Variants in C7orf78 observed in about 807,000 individuals in gnomAD.
The protein encoded by C7orf78 is chromosome 7 open reading frame 78.
the C7orf78 span, among the ~76,000 whole-genome samples, chr7:12,486,126 T>G: frequency 6.6e-6 from 1 of 152,116 alleles, no homozygotes; most frequent in Non-Finnish European, 1.5e-5. Flanking sequence ...AAAATTAAAG[T>G]GGCCTATACA....
the C7orf78 span, among the ~76,000 whole-genome samples, chr7:12,521,824 A>G: frequency 6.6e-6 from 1 of 151,864 alleles, no homozygotes; most frequent in Non-Finnish European, 1.5e-5. Flanking sequence ...GGCATAAAAG[A>G]CTTTTAATAC....
chr7:12,514,125 T>C, the C7orf78 span, among the ~76,000 whole-genome samples: 1 of 152,316 alleles, frequency 6.6e-6, no homozygotes, highest in South Asian at 2.1e-4. Context: ...ACATGATCTG[T>C]CTAATGCTCA....
At chr7:12,534,975 G>GA in the C7orf78 span, among the ~76,000 whole-genome samples, 1 of 139,974 alleles carries the variant, frequency 7.1e-6, no homozygotes, top group East Asian at 2.1e-4. Flanking sequence ...AAGAAGGAAG[G>GA]AGGGAAGGAA....
the C7orf78 span, among the ~76,000 whole-genome samples, chr7:12,524,959 C>T: frequency 2.0e-5 from 3 of 151,908 alleles, no homozygotes; most frequent in Non-Finnish European, 4.4e-5. Context: ...GAATTGGAGG[C>T]AGAGTGTTAT....
the C7orf78 span, among the ~76,000 whole-genome samples, chr7:12,493,004 A>T: frequency 6.6e-6 from 1 of 152,132 alleles, no homozygotes; most frequent in Non-Finnish European, 1.5e-5. Flanking sequence ...GGAGTTTGAA[A>T]CCAGCCTGGG....
chr7:12,536,622 TTTC>T, the C7orf78 span, among the ~76,000 whole-genome samples: 3 of 152,196 alleles, frequency 2.0e-5, no homozygotes, highest in Non-Finnish European at 4.4e-5. Context: ...AAACGCTTTT[TTTC>T]TTTTCTATCA....
chr7:12,486,691 G>C, the C7orf78 span, among the ~76,000 whole-genome samples: 1 of 151,962 alleles, frequency 6.6e-6, no homozygotes, highest in East Asian at 1.9e-4. Flanking sequence ...GCTCTGGATA[G>C]AGTCACATCA....
chr7:12,523,234 G>GA, the C7orf78 span: 75,495 of 397,996 alleles, frequency 0.19, 8,389 homozygotes, highest in African/African-American at 0.34. Flanking sequence ...AAAAAAGGAG[G>GA]AAAAAAATCA....
At chr7:12,513,196 T>C in the C7orf78 span, among the ~76,000 whole-genome samples, 2 of 152,028 alleles carry the variant, frequency 1.3e-5, no homozygotes, top group Admixed American at 1.3e-4. Flanking sequence ...TCTTTCTTTC[T>C]TTCTTTTTCT....
chr7:12,518,387 C>A, the C7orf78 span, among the ~76,000 whole-genome samples: 1 of 152,078 alleles, frequency 6.6e-6, no homozygotes, highest in Admixed American at 6.6e-5. Context: ...AGTGGTGAGC[C>A]AGGTGGGTGT....
chr7:12,519,175 G>A, the C7orf78 span, among the ~76,000 whole-genome samples: 1 of 152,120 alleles, frequency 6.6e-6, no homozygotes, highest in Non-Finnish European at 1.5e-5. Flanking sequence ...CAAACATGTA[G>A]CTCTCAGACT....
chr7:12,509,377 T>C, the C7orf78 span, among the ~76,000 whole-genome samples: 2 of 152,236 alleles, frequency 1.3e-5, no homozygotes, highest in Non-Finnish European at 2.9e-5. Flanking sequence ...TAGGAGTTAC[T>C]GCTTTGAGAG....
chr7:12,514,868 G>T, the C7orf78 span, among the ~76,000 whole-genome samples: 1 of 151,488 alleles, frequency 6.6e-6, no homozygotes, highest in African/African-American at 2.4e-5. Flanking sequence ...TATTTATCCT[G>T]TATGAAGGAT....
At chr7:12,518,283 G>T in the C7orf78 span, among the ~76,000 whole-genome samples, 1 of 152,156 alleles carries the variant, frequency 6.6e-6, no homozygotes, top group Non-Finnish European at 1.5e-5. Context: ...CTGTCCTTTA[G>T]CCCCCTGGGT....
chr7:12,526,692 G>T, the C7orf78 span, among the ~76,000 whole-genome samples: 1 of 151,936 alleles, frequency 6.6e-6, no homozygotes, highest in Non-Finnish European at 1.5e-5. Context: ...TAATTGAAAT[G>T]GAACATGTCA....
the C7orf78 span, among the ~76,000 whole-genome samples, chr7:12,524,886 T>C: frequency 6.6e-6 from 1 of 152,006 alleles, no homozygotes; most frequent in Admixed American, 6.6e-5. Flanking sequence ...CTTGAGTAAA[T>C]AAAATTCACG....
At chr7:12,514,254 A>G in the C7orf78 span, among the ~76,000 whole-genome samples, 1 of 152,094 alleles carries the variant, frequency 6.6e-6, no homozygotes, top group African/African-American at 2.4e-5. Context: ...TATACCTAGA[A>G]TTGTTATGTT....
chr7:12,495,061 T>C, the C7orf78 span, among the ~76,000 whole-genome samples: 2 of 152,168 alleles, frequency 1.3e-5, no homozygotes, highest in South Asian at 2.1e-4. Context: ...GCTTGCTCTG[T>C]GGTAAAGGAG....
chr7:12,513,108 A>G, the C7orf78 span, among the ~76,000 whole-genome samples: 1 of 151,602 alleles, frequency 6.6e-6, no homozygotes, highest in Non-Finnish European at 1.5e-5. Flanking sequence ...TATCTTTTCA[A>G]AAACTCAGCC....
Sources: allele counts gnomAD v4.1 joint callset (sites outside exome capture counted in the v4.1 genomes callset), GRCh38; gene constraint gnomAD v4.1.1; transcripts MANE v1.5; gene names NCBI Gene and HGNC (gene_info 2026-07-23, HGNC 2026-07-21).